Variants in CDKAL1 observed in about 807,000 individuals in gnomAD.
CDKAL1 encodes CDKAL1 threonylcarbamoyladenosine tRNA methylthiotransferase, also known as threonylcarbamoyladenosine tRNA methylthiotransferase.
In CDKAL1, 32 loss-of-function variants were observed where a neutral mutation model predicts 68.2. That is an observed-to-expected ratio of 0.47 (90% CI 0.35 to 0.63). The LOEUF is 0.63. CDKAL1 is among the 30% of genes least tolerant of loss of function. The pLI, the probability that CDKAL1 is intolerant of heterozygous loss-of-function variation, is 0.00. For synonymous variants in CDKAL1, 234 were observed against 244.3 expected (o/e 0.96, Z 0.39); for missense variants, 606 against 696.7 (o/e 0.87, Z 1.47).
chr6:20,605,045 C>T (rs966950926), intron 4 of CDKAL1, among the ~76,000 whole-genome samples: 1 of 150,954 alleles, frequency 6.6e-6, no homozygotes, highest in African/African-American at 2.4e-5. Context: ...CACTACTGAG[C>T]AAATACTCAG....
chr6:21,204,786 T>C (rs1040547982), intron 15 of CDKAL1, among the ~76,000 whole-genome samples: 1 of 152,030 alleles, frequency 6.6e-6, no homozygotes. Flanking sequence ...TTGTGTGTTT[T>C]AATTGTGGTA....
chr6:20,735,277 A>G (rs1450316683), intron 5 of CDKAL1, among the ~76,000 whole-genome samples: 2 of 151,902 alleles, frequency 1.3e-5, no homozygotes, highest in Non-Finnish European at 2.9e-5. Flanking sequence ...ACAAATAAAG[A>G]CATACCTGAG....
chr6:21,160,082 A>G (rs1776838779), intron 13 of CDKAL1, among the ~76,000 whole-genome samples: 1 of 152,174 alleles, frequency 6.6e-6, no homozygotes, highest in African/African-American at 2.4e-5. Flanking sequence ...TCAGTTTTCA[A>G]CAGTTCTCTG....
intron 9 of CDKAL1, among the ~76,000 whole-genome samples, chr6:20,900,436 C>T (rs1761905441): frequency 6.6e-6 from 1 of 152,224 alleles, no homozygotes; most frequent in Admixed American, 6.5e-5. Context: ...CTCTCCTGAT[C>T]AGTACTGTCA....
chr6:21,134,630 A>G (rs912678326), intron 13 of CDKAL1, among the ~76,000 whole-genome samples: 3 of 152,158 alleles, frequency 2.0e-5, no homozygotes, highest in African/African-American at 7.2e-5. Context: ...AATGCATGGG[A>G]AACAAGGCAA....
intron 9 of CDKAL1, among the ~76,000 whole-genome samples, chr6:20,932,714 A>T (rs1002883532): frequency 2.0e-5 from 3 of 152,150 alleles, no homozygotes; most frequent in African/African-American, 7.2e-5. Flanking sequence ...TTTAGAGAAT[A>T]TGATTTCCTT....
chr6:21,201,104 T>C lies in CDKAL1; in HGVS notation c.1384-6T>C. Reference sequence around the variant, plus strand: ...AAATTAAGCCTCTGAAACAAATGTGTTTAAGGTTTTAGTGCCAAAGAACCC... The same window carrying C: ...AAATTAAGCCTCTGAAACAAATGTGCTTAAGGTTTTAGTGCCAAAGAACCC... On this transcript the variant is annotated splice_region_variant and splice_polypyrimidine_tract_variant and intron_variant, in intron 14 of 15. Coordinates refer to ENST00000274695, the MANE Select transcript of CDKAL1 (RefSeq NM_017774.3). 1.2e-6 allele frequency: 2 copies of C among 1,603,330 alleles called. No homozygotes were observed. The highest frequency in any genetic ancestry group is 1.7e-6 in the Non-Finnish European group (2 of 1,172,016).
At chr6:20,859,695 G>A (rs1471915531) in intron 9 of CDKAL1, among the ~76,000 whole-genome samples, 1 of 152,260 alleles carries the variant, frequency 6.6e-6, no homozygotes, top group Admixed American at 6.5e-5. Flanking sequence ...AGATTAAGCA[G>A]TGGCTTCTTA....
At chr6:21,176,789 G>C (rs1035567144) in intron 13 of CDKAL1, among the ~76,000 whole-genome samples, 2 of 149,398 alleles carry the variant, frequency 1.3e-5, no homozygotes, top group African/African-American at 5.0e-5. Context: ...CCGCCACCCG[G>C]CTTCAAGTGA....
intron 13 of CDKAL1, among the ~76,000 whole-genome samples, chr6:21,189,514 T>G (rs76007580): frequency 6.6e-6 from 1 of 152,208 alleles, no homozygotes; most frequent in African/African-American, 2.4e-5. Flanking sequence ...TGCCTTTTTT[T>G]GTCATTGTTT....
At chr6:20,996,249 C>G (rs1767101012) in intron 10 of CDKAL1, among the ~76,000 whole-genome samples, 1 of 152,222 alleles carries the variant, frequency 6.6e-6, no homozygotes, top group South Asian at 2.1e-4. Flanking sequence ...ACTTTCTTAT[C>G]ATTCATGAGT....
chr6:21,148,757 A>G (rs1457365354), intron 13 of CDKAL1, among the ~76,000 whole-genome samples: 1 of 152,196 alleles, frequency 6.6e-6, no homozygotes, highest in Non-Finnish European at 1.5e-5. Context: ...TAAAAAGTTT[A>G]TAGAAATAAA....
chr6:20,995,789 G>GTCAGTCT (rs1361080022), intron 10 of CDKAL1, among the ~76,000 whole-genome samples: 1 of 152,072 alleles, frequency 6.6e-6, no homozygotes, highest in African/African-American at 2.4e-5. Context: ...TAACAAGAGA[G>GTCAGTCT]TCAGTCTTTA....
At chr6:20,827,605 C>G (rs1192272919) in intron 8 of CDKAL1, among the ~76,000 whole-genome samples, 1 of 151,696 alleles carries the variant, frequency 6.6e-6, no homozygotes, top group Non-Finnish European at 1.5e-5. Context: ...ATGTTTTAGA[C>G]ATAAAAAAAA....
intron 4 of CDKAL1, among the ~76,000 whole-genome samples, chr6:20,616,445 CT>C (rs1479566898): frequency 3.5e-5 from 5 of 141,488 alleles, no homozygotes; most frequent in African/African-American, 1.3e-4. Context: ...TTTGTATCCT[CT>C]TTTATTTCCT....
chr6:20,818,654 G>A (rs1408038888), intron 8 of CDKAL1, among the ~76,000 whole-genome samples: 1 of 151,024 alleles, frequency 6.6e-6, no homozygotes, highest in Admixed American at 6.6e-5. Flanking sequence ...GGTTTTGTTA[G>A]GACAGATACA....
intron 10 of CDKAL1, among the ~76,000 whole-genome samples, chr6:20,969,873 C>A (rs990824228): frequency 6.6e-6 from 1 of 151,924 alleles, no homozygotes; most frequent in Non-Finnish European, 1.5e-5. Flanking sequence ...ATACATGGAA[C>A]CTTCTATATT....
intron 8 of CDKAL1, among the ~76,000 whole-genome samples, chr6:20,833,955 G>A (rs1249545811): frequency 6.6e-6 from 1 of 152,160 alleles, no homozygotes; most frequent in Non-Finnish European, 1.5e-5. Context: ...ATTTTTGGGT[G>A]TCAGCACAGA....
At chr6:21,053,904 C>A (rs1770682197) in intron 11 of CDKAL1, among the ~76,000 whole-genome samples, 1 of 152,104 alleles carries the variant, frequency 6.6e-6, no homozygotes, top group African/African-American at 2.4e-5. Context: ...TTATTCTACT[C>A]TATGACTTCT....
Sources: allele counts gnomAD v4.1 joint callset (sites outside exome capture counted in the v4.1 genomes callset), GRCh38; gene constraint gnomAD v4.1.1; transcripts MANE v1.5; gene names NCBI Gene and HGNC (gene_info 2026-07-23, HGNC 2026-07-21).